Variants in TP53BP2 observed in about 807,000 individuals in gnomAD.
TP53BP2 encodes tumor protein p53 binding protein 2, also known as apoptosis-stimulating of p53 protein 2.
A neutral mutation model predicts 126.2 loss-of-function variants in TP53BP2; 62 were observed. The observed-to-expected ratio is 0.49, with a 90% CI of 0.40 to 0.61. TP53BP2 has a LOEUF of 0.61. Ranked by LOEUF, TP53BP2 falls within the 20% of genes least tolerant of loss-of-function variation. TP53BP2 has a pLI of 0.00. For synonymous variants in TP53BP2, 485 were observed against 502.9 expected, an observed-to-expected ratio of 0.96 and a Z score of 0.48; for missense variants, 1,215 against 1,402.8, an observed-to-expected ratio of 0.87 and a Z score of 2.14.
Position 223,786,094 on chromosome 1 carries a change from C to T in TP53BP2, c.3164-1780G>A, listed in dbSNP as rs537880397. ...GTGCAGTGAAAATAAACTACAGCTA[C>T]AGGCAACACGAGTGAATCTCAAAAA... On this transcript the variant is annotated intron_variant, in intron 16 of 17. Coordinates refer to ENST00000343537, the MANE Select transcript of TP53BP2 (RefSeq NM_001031685.3). 7.2e-5 allele frequency among the ~76,000 whole-genome samples: 11 copies of T among 152,280 alleles called. No individual in the cohort carries two copies. The East Asian group carries it at 9.7e-4, about 13-fold the overall frequency.
intron 3 of TP53BP2, among the ~76,000 whole-genome samples, chr1:223,812,421 G>A (rs1052098483): frequency 1.3e-5 from 2 of 152,102 alleles, no homozygotes; most frequent in African/African-American, 4.8e-5. Flanking sequence ...TCGCTCTGTC[G>A]CCCAGGCTGG....
At position 223,810,431 on chromosome 1, in the gene TP53BP2, A is replaced by G. The variant is rs756354360; in HGVS notation, c.372T>C (p.Gly124=). The part of the protein sequence containing the change: ...VPGEYRRKEN[G]VNSPRMDLTL... ...AGTATGGATAAAAACAACAACTTACACCGTTCTCCTTTCTTCGATATTCAC... is the reference window on the plus strand; with the variant it reads ...AGTATGGATAAAAACAACAACTTACGCCGTTCTCCTTTCTTCGATATTCAC... The change falls in exon 4 of 18, where the codon GGT becomes GGC. Residue 124 remains glycine, a splice_region_variant and synonymous_variant. Coordinates refer to ENST00000343537, the MANE Select transcript of TP53BP2 (RefSeq NM_001031685.3). 3.1e-6 allele frequency: 5 copies of G among 1,605,240 alleles called. No homozygotes were observed. In the African/African-American group the frequency reaches 5.3e-5, roughly 17 times the overall value.
chr1:223,786,573 C>CGTGTGT (rs915377016), intron 16 of TP53BP2, among the ~76,000 whole-genome samples: 3 of 127,416 alleles, frequency 2.4e-5, no homozygotes, highest in East Asian at 2.2e-4. Flanking sequence ...TGTGTGTGTG[C>CGTGTGT]GTGTGTGCGT....
chr1:223,835,556 T>C (rs6604729), intron 1 of TP53BP2, among the ~76,000 whole-genome samples: 14,744 of 152,264 alleles, frequency 0.097, 785 homozygotes, highest in African/African-American at 0.14. Context: ...CACTAAGCAC[T>C]ACATTTTTAA....
In TP53BP2 at chr1:223,780,145, T is replaced by G. The variant is rs1661719961; in HGVS notation, c.*708A>C. 6.6e-6 allele frequency: 1 copy of G among 152,212 alleles called. No individual in the cohort carries two copies. The highest frequency in any genetic ancestry group is 1.5e-5 in the Non-Finnish European group (1 of 68,046). 9.4% of individuals were successfully genotyped at this position (152,212 alleles called of 1,614,324 possible). ...AAGTCAGCTATGATCTTGACAAATA[T>G]TACGGGTAAGTCTGTAGCAAGTTTC... On this transcript the variant is annotated 3_prime_UTR_variant, in exon 18 of 18. Transcript: ENST00000343537.
At chr1:223,841,746 TC>T (rs1664108958) in intron 1 of TP53BP2, among the ~76,000 whole-genome samples, 1 of 152,178 alleles carries the variant, frequency 6.6e-6, no homozygotes, top group African/African-American at 2.4e-5. Flanking sequence ...CCCATTTTTT[TC>T]CTAGACCCTC....
chr1:223,842,749 T>G (rs1449670906), intron 1 of TP53BP2, among the ~76,000 whole-genome samples: 1 of 152,222 alleles, frequency 6.6e-6, no homozygotes, highest in Admixed American at 6.5e-5. Flanking sequence ...TCTAATGTAA[T>G]TTTCAAACGA....
intron 4 of TP53BP2, among the ~76,000 whole-genome samples, chr1:223,808,854 A>G (rs988472514): frequency 6.6e-6 from 1 of 152,154 alleles, no homozygotes; most frequent in African/African-American, 2.4e-5. Context: ...GCAAATAAGC[A>G]CATGAAAAGA....
chr1:223,819,434 C>A (rs556839565), intron 2 of TP53BP2, among the ~76,000 whole-genome samples: 3 of 152,164 alleles, frequency 2.0e-5, no homozygotes, highest in Non-Finnish European at 4.4e-5. Flanking sequence ...CACCTGTAAT[C>A]CCAGCGCTTT....
At chr1:223,834,889 G>T (rs1159922071) in intron 1 of TP53BP2, 1 of 984,644 alleles carries the variant, frequency 1.0e-6, no homozygotes. Context: ...CACTGTAGTT[G>T]TCTGTATCCC....
intron 5 of TP53BP2, among the ~76,000 whole-genome samples, chr1:223,806,131 G>A (rs1404439521): frequency 6.6e-6 from 1 of 152,154 alleles, no homozygotes; most frequent in Non-Finnish European, 1.5e-5. Context: ...AGCTCCAGAA[G>A]GGGACAGTAT....
rs1252702656 is a variant in TP53BP2, at chr1:223,817,928, A to T, written c.175+3292T>A. Among the ~76,000 whole-genome samples the T allele has an allele frequency of 3.3e-5, 5 of 151,138 alleles. No homozygotes were observed. The South Asian group carries it at 8.3e-4, about 25-fold the overall frequency. On this transcript the variant is annotated intron_variant, in intron 2 of 17. Coordinates refer to ENST00000343537, the MANE Select transcript of TP53BP2 (RefSeq NM_001031685.3). ...GCAACAGAGTGAGACTCAGTCTCAAAAAAAAAAAAAAAAAGATACAGATTT... is the reference window on the plus strand; with the variant it reads ...GCAACAGAGTGAGACTCAGTCTCAATAAAAAAAAAAAAAAGATACAGATTT...
At chr1:223,822,177 G>A (rs989780281) in intron 1 of TP53BP2, among the ~76,000 whole-genome samples, 1 of 151,874 alleles carries the variant, frequency 6.6e-6, no homozygotes. Context: ...GCCTCCCAAA[G>A]TGCTGGGATT....
intron 4 of TP53BP2, among the ~76,000 whole-genome samples, chr1:223,808,366 C>A (rs895547754): frequency 6.6e-6 from 1 of 151,910 alleles, no homozygotes; most frequent in East Asian, 1.9e-4. Flanking sequence ...TATGGTGAAA[C>A]CCCATCTCTA....
chr1:223,843,940 G>A (rs1469377146), intron 1 of TP53BP2, among the ~76,000 whole-genome samples: 1 of 152,136 alleles, frequency 6.6e-6, no homozygotes, highest in African/African-American at 2.4e-5. Flanking sequence ...ATTCAGAGGC[G>A]TTTATCTACC....
intron 4 of TP53BP2, among the ~76,000 whole-genome samples, chr1:223,807,532 T>A (rs2102858867): frequency 6.6e-6 from 1 of 151,116 alleles, no homozygotes; most frequent in East Asian, 1.9e-4. Context: ...TCACAGACAA[T>A]ATAATCATCT....
In TP53BP2 at chr1:223,845,820, G is replaced by A. The variant is rs1664259748; in HGVS notation, c.-140C>T. On this transcript the variant is annotated 5_prime_UTR_variant, in exon 1 of 18. Coordinates refer to ENST00000343537, the MANE Select transcript of TP53BP2 (RefSeq NM_001031685.3). ...GGCGGCAGCGGCGGCGCGCGGGTCC[G>A]AAGGGCCCTCCGCGCGGGCTGGGGC... 4.4e-6 allele frequency: 3 copies of A among 685,364 alleles called. No homozygotes were observed. The highest frequency in any genetic ancestry group is 5.9e-6 in the Non-Finnish European group (3 of 506,636). The allele number at this position is 685,364 out of a possible 1,614,324, so 42.5% of individuals were successfully genotyped here.
chr1:223,802,014 T>C, intron 9 of TP53BP2, 102 bp downstream of exon 9: 1 of 1,185,680 alleles, frequency 8.4e-7, no homozygotes. Context: ...TTTTTAGAAT[T>C]CAAACATGAA....
chr1:223,802,227 G>C lies in TP53BP2; in HGVS notation c.1114C>G (p.Leu372Val). Residue 372 changes from leucine (L) to valine (V), a missense_variant, in exon 9 of 18, where the codon CTG (leucine) becomes GTG (valine). By Grantham distance (32) the Leu-to-Val change is conservative. Transcript: ENST00000343537. ...CCATCCGGCAGGGCTGGCTTCACCA[G>C]CAATTCAGGCCTTGAGGGCATCCGA... is the stretch of plus-strand genomic sequence containing the variant. ...MPRMPSRPEL[L>V]VKPALPDGSL... 2.5e-6 allele frequency: 4 copies of C among 1,614,228 alleles called. No individual in the cohort carries two copies. Among genetic ancestry groups the C allele is most frequent in the Non-Finnish European group, 3.4e-6 (4 of 1,180,040 alleles).
Sources: gnomAD v4.1 joint callset for allele counts (sites outside exome capture counted in the v4.1 genomes callset) on GRCh38, gnomAD v4.1.1 for gene constraint, MANE v1.5 for transcripts, NCBI Gene and HGNC (gene_info 2026-07-23, HGNC 2026-07-21) for gene names.